RXRA: variants seen among roughly 807,000 people sequenced by gnomAD.
The protein encoded by RXRA is retinoic acid receptor RXR-alpha.
RXRA carries 5 observed loss-of-function variants against 44.5 expected under a neutral mutation model. The ratio of observed to expected loss-of-function variants is 0.11; its 90% CI spans 0.06 to 0.24. The LOEUF (loss-of-function observed/expected upper bound fraction) is 0.24, where lower values mean the gene tolerates loss of function less well. RXRA is among the 10% of genes least tolerant of loss of function. RXRA has a pLI of 1.00. For missense variants in RXRA, 412 were observed against 646.5 expected (o/e 0.64, Z 3.93); for synonymous variants, 291 against 271.4 (o/e 1.07, Z -0.71).
At chr9:134,330,745 C>T (rs1554746540) in intron 1 of RXRA, among the ~76,000 whole-genome samples, 4 of 152,228 alleles carry the variant, frequency 2.6e-5, no homozygotes, top group Admixed American at 2.0e-4. Context: ...GGTGGTCAGG[C>T]CACCTGGGGT....
intron 1 of RXRA, among the ~76,000 whole-genome samples, chr9:134,393,765 A>C (rs1049633806): frequency 2.0e-5 from 3 of 152,082 alleles, no homozygotes; most frequent in African/African-American, 7.2e-5. Context: ...CTGACTGCTC[A>C]TGGGGAGCCC....
rs894655837 is a variant in RXRA, at chr9:134,423,771, A to G, written c.910+1966A>G. 89 of 985,168 alleles carry G rather than the reference A, an allele frequency of 9.0e-5. 1 individual carries two copies. In the Admixed American group the frequency reaches 1.1e-3, roughly 12 times the overall value. 61.0% of individuals were successfully genotyped at this position (985,168 alleles called of 1,614,324 possible). On this transcript the variant is annotated intron_variant, in intron 6 of 9. Transcript: ENST00000481739. ...CCTTGTTTGCAGGGGCTCCCCCAGA[A>G]CCCTCGGTTCAGAGCCCCTGGCTTT...
At chr9:134,385,358 C>T (rs1181748482) in intron 1 of RXRA, among the ~76,000 whole-genome samples, 1 of 152,228 alleles carries the variant, frequency 6.6e-6, no homozygotes, top group East Asian at 1.9e-4. Flanking sequence ...CATGAAGGCC[C>T]CTTCCCCCGC....
chr9:134,418,683 G>A (rs1489913915), intron 5 of RXRA, among the ~76,000 whole-genome samples: 2 of 152,182 alleles, frequency 1.3e-5, no homozygotes, highest in Non-Finnish European at 2.9e-5. Flanking sequence ...TGTGATGTGG[G>A]CTGAGAGCAC....
At chr9:134,346,601 G>A (rs1329252566) in intron 1 of RXRA, among the ~76,000 whole-genome samples, 1 of 152,238 alleles carries the variant, frequency 6.6e-6, no homozygotes, top group Non-Finnish European at 1.5e-5. Context: ...TGCAGGACCT[G>A]CCCTAGGTCC....
At chr9:134,368,808 GAT>G (rs896031684) in intron 1 of RXRA, among the ~76,000 whole-genome samples, 76 of 151,282 alleles carry the variant, frequency 5.0e-4, no homozygotes, top group African/African-American at 1.6e-3. Context: ...GTGCATGTGA[GAT>G]GTGTGTGTGC....
chr9:134,347,604 A>G (rs1300529266), intron 1 of RXRA, among the ~76,000 whole-genome samples: 2 of 152,154 alleles, frequency 1.3e-5, no homozygotes, highest in African/African-American at 4.8e-5. Context: ...GGTTCCAGGT[A>G]TGCGGAGGGT....
Position 134,407,656 on chromosome 9 carries a change from G to A in RXRA, c.280-493G>A, listed in dbSNP as rs1053796972. On this transcript the variant is annotated intron_variant, in intron 2 of 9. Coordinates refer to ENST00000481739, the MANE Select transcript of RXRA (RefSeq NM_002957.6). The surrounding 1 kb of genome is among the most constrained non-coding windows in gnomAD (Gnocchi z 4.8). ...CCCCTGCCCTGCGGTGTTGTGGGGT[G>A]TATGTGTGGTTCTTGGGGGGGTCCC... Among the ~76,000 whole-genome samples the A allele has an allele frequency of 1.3e-5, 2 of 152,098 alleles. No individual in the cohort carries two copies. Among genetic ancestry groups the A allele is most frequent in the African/African-American group, 4.8e-5 (2 of 41,422 alleles).
intron 1 of RXRA, among the ~76,000 whole-genome samples, chr9:134,334,225 G>A (rs1835050599): frequency 6.6e-6 from 1 of 152,270 alleles, no homozygotes; most frequent in Non-Finnish European, 1.5e-5. Context: ...TGAGGGCAGG[G>A]CCCTTCTGAG....
chr9:134,362,922 G>A (rs1830369939), intron 1 of RXRA, among the ~76,000 whole-genome samples: 1 of 152,240 alleles, frequency 6.6e-6, no homozygotes, highest in African/African-American at 2.4e-5. Flanking sequence ...AGCCTGATGT[G>A]CCCGCTGTCA....
In RXRA at chr9:134,342,109, G is replaced by T. The variant is rs1317517724; in HGVS notation, c.28+15450G>T. 2.0e-5 allele frequency among the ~76,000 whole-genome samples: 3 copies of T among 152,200 alleles called. No individual in the cohort carries two copies. Among genetic ancestry groups the T allele is most frequent in the East Asian group, 3.9e-4 (2 of 5,188 alleles). On this transcript the variant is annotated intron_variant, in intron 1 of 9. Transcript: ENST00000481739. This position sits in a 1 kb window ranked among gnomAD's most constrained non-coding sequence, Gnocchi z 4.4. ...AATGAGGAGGCGTCTCCCTGAAGGC[G>T]CTCTGCTGGGCCCGGGGTGGGGGCT...
chr9:134,345,726 C>T (rs1554748703), intron 1 of RXRA, among the ~76,000 whole-genome samples: 2 of 152,210 alleles, frequency 1.3e-5, no homozygotes, highest in Non-Finnish European at 2.9e-5. Flanking sequence ...TTAGCTGCTG[C>T]TATATCTCCC....
Position 134,401,699 on chromosome 9 carries a change from G to A in RXRA, c.96G>A (p.Ser32=), listed in dbSNP as rs576137557. ...PTGRGSMAAP[S]LHPSLGPGIG... ...GGCGAGGCTCCATGGCTGCCCCCTC[G>A]CTGCACCCGTCCCTGGGGCCTGGCA... The change falls in exon 2 of 10, where the codon TCG becomes TCA. Residue 32 remains serine, a synonymous_variant. Transcript: ENST00000481739. 26 of 1,613,016 alleles carry A rather than the reference G, an allele frequency of 1.6e-5. No homozygotes were observed. Among genetic ancestry groups the A allele is most frequent in the Middle Eastern group, 1.7e-4 (1 of 6,060 alleles).
chr9:134,440,159 G>T lies in RXRA; in HGVS notation c.*3545G>T, dbSNP rs1831707996. ...TCATGTATACTTGGATATGGCGGGG[G>T]GAGGGCTGGGACTGTTTCGTTTCTG... is the stretch of plus-strand genomic sequence containing the variant. On this transcript the variant is annotated 3_prime_UTR_variant, in exon 10 of 10. Coordinates refer to ENST00000481739, the MANE Select transcript of RXRA (RefSeq NM_002957.6). 1 of 152,194 alleles carries T rather than the reference G, an allele frequency of 6.6e-6. No individual in the cohort carries two copies. The highest frequency in any genetic ancestry group is 2.4e-5 in the African/African-American group (1 of 41,440). The allele number at this position is 152,194 out of a possible 1,614,324, so 9.4% of individuals were successfully genotyped here.
rs1433759626 is a variant in RXRA at position 134,368,917 on chromosome 9, GTGTGTGTGAGTGCGGGGGTTATGTA to G, written c.29-32694_29-32670del. On this transcript the variant is annotated intron_variant, in intron 1 of 9. Coordinates refer to ENST00000481739, the MANE Select transcript of RXRA (RefSeq NM_002957.6). ...GGTTATGTGTGTGTGGGGGTTGTGT[GTGTGTGTGAGTGCGGGGGTTATGTA>G]TGTGTGTGAGTGCGGGGGTTGTGTG... 2.3e-3 allele frequency among the ~76,000 whole-genome samples: 325 copies of G among 139,756 alleles called. 7 individuals are homozygous for G. The highest frequency in any genetic ancestry group is 8.3e-3 in the African/African-American group (294 of 35,270). 91.7% of individuals were successfully genotyped at this position (139,756 alleles called of 152,430 possible). A position where few individuals can be genotyped will look rare whatever the true frequency, so the allele number is the denominator to read the frequency against.
chr9:134,419,590 C>G (rs1283921408), intron 5 of RXRA, among the ~76,000 whole-genome samples: 1 of 152,248 alleles, frequency 6.6e-6, no homozygotes, highest in African/African-American at 2.4e-5. Context: ...GCGTCACGGT[C>G]CTGGTGCCTG....
chr9:134,434,257 C>A, intron 9 of RXRA, 50 bp downstream of exon 9: 1 of 1,368,526 alleles, frequency 7.3e-7, no homozygotes, highest in Non-Finnish European at 1.0e-6. Context: ...CTCTTGTCTC[C>A]AGAGCCCCCA....
intron 2 of RXRA, chr9:134,404,602 A>C (rs982544467): frequency 6.6e-6 from 1 of 152,470 alleles, no homozygotes; most frequent in African/African-American, 2.4e-5. Flanking sequence ...GGGCCTGCCC[A>C]GGGCCTGTGG....
rs370760674 is a variant in RXRA at position 134,409,073 on chromosome 9, G to A, written c.564G>A (p.Gln188=). ...LIDKRQRNRC[Q]YCRYQKCLAM... The stretch of plus-strand genomic sequence containing the variant: ...ACAAGCGGCAGCGGAACCGGTGCCA[G>A]TACTGCCGCTACCAGAAGTGCCTGG... Residue 188 remains glutamine (Q), a synonymous_variant, in exon 4 of 10, where the codon CAG becomes CAA. Coordinates refer to ENST00000481739, the MANE Select transcript of RXRA (RefSeq NM_002957.6). 8 of 1,608,356 alleles carry A rather than the reference G, an allele frequency of 5.0e-6. No individual in the cohort carries two copies. The South Asian group carries it at 6.6e-5, about 13-fold the overall frequency.
Sources: allele counts gnomAD v4.1 joint callset (sites outside exome capture counted in the v4.1 genomes callset), GRCh38; gene constraint gnomAD v4.1.1; non-coding constraint Gnocchi (gnomAD v3.1); transcripts MANE v1.5; gene names NCBI Gene and HGNC (gene_info 2026-07-23, HGNC 2026-07-21).